The following NRG3 variants were observed in gnomAD, a reference collection of about 807,000 sequenced individuals.
NRG3 encodes the protein neuregulin 3.
In NRG3, 31 loss-of-function variants were observed where a neutral mutation model predicts 66.9. That is an observed-to-expected ratio of 0.46 (90% CI 0.35 to 0.63). The LOEUF (loss-of-function observed/expected upper bound fraction) is 0.63, where lower values mean the gene tolerates loss of function less well. Among genes scored for constraint, NRG3 ranks in the 20% least tolerant of loss-of-function variants. The pLI is 0.00. For missense variants in NRG3, 910 were observed against 878.9 expected (o/e 1.04, Z -0.45); for synonymous variants, 393 against 359.4 (o/e 1.09, Z -1.06).
chr10:82,836,434 A>G lies in NRG3; in HGVS notation c.1028-28977A>G, dbSNP rs2062779406. On this transcript the variant is annotated intron_variant, in intron 3 of 8. Coordinates refer to ENST00000372141, the MANE Select transcript of NRG3 (RefSeq NM_001010848.4). The stretch of plus-strand genomic sequence containing the variant: ...AAACATACACAGAGCAAGAAGCAGC[A>G]GTGGATGTATACGCTTACAAATGCA... Among the ~76,000 whole-genome samples, 4 of 152,196 alleles carry G rather than the reference A, an allele frequency of 2.6e-5. No homozygotes were observed. The South Asian group carries it at 8.3e-4, about 32-fold the overall frequency.
intron 5 of NRG3, among the ~76,000 whole-genome samples, chr10:82,955,926 G>C (rs562230307): frequency 6.6e-6 from 1 of 151,950 alleles, no homozygotes; most frequent in South Asian, 2.1e-4. Context: ...CCCAACTTCA[G>C]GTGCAAGACC....
intron 4 of NRG3, among the ~76,000 whole-genome samples, chr10:82,901,960 C>T (rs572447553): frequency 2.0e-5 from 3 of 152,104 alleles, no homozygotes; most frequent in South Asian, 2.1e-4. Context: ...GTAGCTTTTT[C>T]GTTTCATTTT....
intron 4 of NRG3, among the ~76,000 whole-genome samples, chr10:82,928,693 T>G (rs905093193): frequency 4.6e-5 from 7 of 152,132 alleles, no homozygotes; most frequent in Admixed American, 3.3e-4. Flanking sequence ...TCAAGTCTGC[T>G]ATTGTAGTAC....
intron 1 of NRG3, among the ~76,000 whole-genome samples, chr10:81,967,867 A>G (rs762234848): frequency 6.6e-6 from 1 of 152,170 alleles, no homozygotes; most frequent in Non-Finnish European, 1.5e-5. Context: ...ATTTCCAATC[A>G]GAAAGACTTG....
intron 2 of NRG3, among the ~76,000 whole-genome samples, chr10:82,698,279 G>A (rs563141997): frequency 6.6e-6 from 1 of 152,170 alleles, no homozygotes; most frequent in South Asian, 2.1e-4. Context: ...TTGATCATGA[G>A]AAAATTAGAA....
intron 2 of NRG3, among the ~76,000 whole-genome samples, chr10:82,457,819 A>G (rs2091340609): frequency 6.6e-6 from 1 of 152,168 alleles, no homozygotes; most frequent in Non-Finnish European, 1.5e-5. Context: ...ACTGGAATGG[A>G]AAGTTCAGGA....
chr10:82,673,182 C>T (rs952065129), intron 2 of NRG3, among the ~76,000 whole-genome samples: 7 of 152,222 alleles, frequency 4.6e-5, no homozygotes, highest in African/African-American at 1.7e-4. Flanking sequence ...TGGCTGGCAT[C>T]TTGTCCAGGG....
intron 2 of NRG3, among the ~76,000 whole-genome samples, chr10:82,726,614 C>A (rs1454337977): frequency 6.6e-6 from 1 of 152,164 alleles, no homozygotes; most frequent in African/African-American, 2.4e-5. Context: ...GTCCATTAAA[C>A]CTCTTTTGTA....
intron 2 of NRG3, among the ~76,000 whole-genome samples, chr10:82,708,792 A>G (rs1375975458): frequency 6.6e-6 from 1 of 152,110 alleles, no homozygotes; most frequent in Non-Finnish European, 1.5e-5. Flanking sequence ...CTAGAGTTTT[A>G]TTGACTTTTA....
At chr10:82,656,358 G>C (rs1488919985) in intron 2 of NRG3, among the ~76,000 whole-genome samples, 1 of 141,378 alleles carries the variant, frequency 7.1e-6, no homozygotes, top group African/African-American at 2.6e-5. Context: ...ATGCCTCAGA[G>C]TACATTTTAA....
At chr10:82,513,850 T>C (rs1371667170) in intron 2 of NRG3, among the ~76,000 whole-genome samples, 3 of 152,186 alleles carry the variant, frequency 2.0e-5, no homozygotes, top group African/African-American at 7.2e-5. Context: ...ATCTGTGGTT[T>C]CTTGACTTTT....
chr10:82,840,414 AT>A (rs35975372), intron 3 of NRG3, among the ~76,000 whole-genome samples: 27,898 of 151,470 alleles, frequency 0.18, 2,966 homozygotes, highest in African/African-American at 0.31. Flanking sequence ...CAACATACAC[AT>A]TTTTTTTTAA....
chr10:82,953,062 A>G (rs966833825), intron 5 of NRG3, among the ~76,000 whole-genome samples: 2 of 151,842 alleles, frequency 1.3e-5, no homozygotes, highest in Non-Finnish European at 2.9e-5. Context: ...AGATTTCCTT[A>G]GTATTTTACC....
rs756759671 is a variant in NRG3, at chr10:82,793,659, T to C, written c.1027+55009T>C. ...ACAACAACGAAGTTTCATTTCTCAC[T>C]AATCTTTAATGTCTGTTGTGGGTCC... On this transcript the variant is annotated intron_variant, in intron 3 of 8. Transcript: ENST00000372141. Among the ~76,000 whole-genome samples the C allele has an allele frequency of 2.6e-5, 4 of 152,214 alleles. No individual in the cohort carries two copies. The South Asian group carries it at 8.3e-4, about 32-fold the overall frequency.
chr10:82,761,139 A>G (rs1245604610), intron 3 of NRG3, among the ~76,000 whole-genome samples: 2 of 151,996 alleles, frequency 1.3e-5, no homozygotes, highest in African/African-American at 2.4e-5. Flanking sequence ...AGAATATTTT[A>G]TGATATATAG....
intron 2 of NRG3, among the ~76,000 whole-genome samples, chr10:82,732,372 TG>T (rs1180721361): frequency 1.3e-5 from 2 of 152,222 alleles, no homozygotes; most frequent in African/African-American, 4.8e-5. Flanking sequence ...TCATGATATT[TG>T]GGCCATATTT....
intron 3 of NRG3, among the ~76,000 whole-genome samples, chr10:82,852,732 T>C (rs566438312): frequency 6.6e-6 from 1 of 152,320 alleles, no homozygotes; most frequent in Non-Finnish European, 1.5e-5. Context: ...ACGTAGCTTC[T>C]GACATCTGCA....
chr10:82,853,999 A>G (rs1422245673), intron 3 of NRG3, among the ~76,000 whole-genome samples: 1 of 152,098 alleles, frequency 6.6e-6, no homozygotes, highest in Admixed American at 6.5e-5. Flanking sequence ...TGAGGTTTAT[A>G]CTTCCCAAAA....
chr10:82,653,722 G>C (rs756530451), intron 2 of NRG3, among the ~76,000 whole-genome samples: 6 of 152,018 alleles, frequency 3.9e-5, no homozygotes, highest in Admixed American at 3.9e-4. Context: ...AGGAACAGAG[G>C]GGGAAAGCAG....
Sources: allele counts gnomAD v4.1 joint callset (sites outside exome capture counted in the v4.1 genomes callset), GRCh38; gene constraint gnomAD v4.1.1; transcripts MANE v1.5; gene names NCBI Gene and HGNC (gene_info 2026-07-23, HGNC 2026-07-21).